INTS9: variants seen among roughly 807,000 people sequenced by gnomAD.
INTS9 encodes the protein integrator complex subunit 9, also known as protein related to CPSF subunits of 74 kDa.
In INTS9, 55 loss-of-function variants were observed where a neutral mutation model predicts 79.7. The ratio of observed to expected loss-of-function variants is 0.69; its 90% confidence interval spans 0.56 to 0.86. The LOEUF is 0.86. Ranked by LOEUF, INTS9 falls within the 40% of genes least tolerant of loss-of-function variation. INTS9 has a pLI of 0.00. For synonymous variants in INTS9, 319 were observed against 325.2 expected (o/e 0.98, Z 0.20); for missense variants, 721 against 831.5 (o/e 0.87, Z 1.64).
chr8:28,799,052 T>G (rs1188308389), intron 8 of INTS9, among the ~76,000 whole-genome samples: 1 of 152,130 alleles, frequency 6.6e-6, no homozygotes, highest in African/African-American at 2.4e-5. Context: ...ATCCCAGCAC[T>G]TTGTGAGGCC....
At chr8:28,782,225 C>T (rs1279640791) in intron 11 of INTS9, among the ~76,000 whole-genome samples, 1 of 152,202 alleles carries the variant, frequency 6.6e-6, no homozygotes, top group African/African-American at 2.4e-5. Flanking sequence ...TTTAGCTGGA[C>T]TCTTCCTTTA....
chr8:28,787,817 T>C lies in INTS9; in HGVS notation c.1098+12A>G, dbSNP rs1483693078. 4.4e-6 allele frequency: 7 copies of C among 1,596,164 alleles called. No homozygotes were observed. The South Asian group carries it at 7.8e-5, about 18-fold the overall frequency. ...GCTTCCTTCCCATGTCCCAGTGATT[T>C]TGTTTTCTTACCTCTGCATGAGGAA... On this transcript the variant is annotated intron_variant, in intron 11 of 16. Transcript: ENST00000521022.
At chr8:28,814,062 T>C (rs1805318214) in intron 6 of INTS9, among the ~76,000 whole-genome samples, 1 of 150,130 alleles carries the variant, frequency 6.7e-6, no homozygotes, top group East Asian at 1.9e-4. Flanking sequence ...CTCAGCCATT[T>C]CTTTTTTTAA....
intron 1 of INTS9, among the ~76,000 whole-genome samples, chr8:28,859,969 A>C (rs1443186029): frequency 6.6e-6 from 1 of 152,238 alleles, no homozygotes; most frequent in Non-Finnish European, 1.5e-5. Flanking sequence ...ACTGTGCTCT[A>C]GGTATGGTTT....
intron 8 of INTS9, chr8:28,799,603 C>A (rs1256976305): frequency 6.6e-6 from 1 of 152,184 alleles, no homozygotes; most frequent in Non-Finnish European, 1.5e-5. Context: ...ACACCTCAAA[C>A]AACTCCATTT....
At chr8:28,782,380 T>C (rs1803325464) in intron 11 of INTS9, among the ~76,000 whole-genome samples, 1 of 152,266 alleles carries the variant, frequency 6.6e-6, no homozygotes, top group African/African-American at 2.4e-5. Context: ...TGTTTGCCAG[T>C]ACAGGACCTC....
chr8:28,777,164 C>T (rs1802936804), intron 13 of INTS9, among the ~76,000 whole-genome samples: 1 of 152,116 alleles, frequency 6.6e-6, no homozygotes. Flanking sequence ...GCCCCTCCAC[C>T]CTCATCTCAC....
chr8:28,821,500 T>C (rs1277985540), intron 6 of INTS9, among the ~76,000 whole-genome samples: 1 of 152,116 alleles, frequency 6.6e-6, no homozygotes, highest in Non-Finnish European at 1.5e-5. Flanking sequence ...AGTTGAGATT[T>C]GGGTGGGGAC....
intron 3 of INTS9, among the ~76,000 whole-genome samples, chr8:28,849,556 G>C (rs1433489810): frequency 6.6e-6 from 1 of 151,834 alleles, no homozygotes; most frequent in Non-Finnish European, 1.5e-5. Flanking sequence ...GTTGAAACGG[G>C]ATCACAGATC....
chr8:28,868,342 T>G lies in INTS9; in HGVS notation c.10-8779A>C, dbSNP rs531524009. Among the ~76,000 whole-genome samples, 17 of 152,342 alleles carry G rather than the reference T, an allele frequency of 1.1e-4. No homozygotes were observed. The South Asian group carries it at 3.5e-3, about 32-fold the overall frequency. On this transcript the variant is annotated intron_variant, in intron 1 of 16. Coordinates refer to ENST00000521022, the MANE Select transcript of INTS9 (RefSeq NM_018250.4). ...CTCTTACTGTAAAGTAGTTCTGCTG[T>G]TGAAACTGCCTTTAATTATCTGTAC... is the stretch of plus-strand genomic sequence containing the variant.
intron 2 of INTS9, among the ~76,000 whole-genome samples, chr8:28,850,482 A>G (rs940257353): frequency 6.6e-6 from 1 of 152,190 alleles, no homozygotes; most frequent in Admixed American, 6.5e-5. Context: ...AAGGTCAAAT[A>G]GTTTAGTGGA....
At chr8:28,796,832 A>C in intron 8 of INTS9, 177 bp from the exon 9 acceptor site, 1 of 550,492 alleles carries the variant, frequency 1.8e-6, no homozygotes, top group South Asian at 2.4e-5. Context: ...TTGGGTGGGG[A>C]CTGATGGGAG....
intron 1 of INTS9, among the ~76,000 whole-genome samples, chr8:28,882,532 T>TAAAAAAAAAAAAAAAAAAAAAAAAAA (rs369293166): frequency 3.2e-5 from 2 of 63,314 alleles, no homozygotes; most frequent in Non-Finnish European, 6.1e-5. Context: ...TATTAACAGC[T>TAAAAAAAAAAAAAAAAAAAAAAAAAA]AAAAAAAAAA....
intron 1 of INTS9, among the ~76,000 whole-genome samples, chr8:28,865,564 A>G (rs1563307400): frequency 1.3e-5 from 2 of 152,208 alleles, no homozygotes; most frequent in African/African-American, 4.8e-5. Flanking sequence ...CACTGGTAAT[A>G]TATAATAACT....
At chr8:28,781,627 C>G (rs76426499) in intron 11 of INTS9, among the ~76,000 whole-genome samples, 592 of 152,240 alleles carry the variant, frequency 3.9e-3, no homozygotes, top group African/African-American at 0.013. Context: ...AATGAGCTGC[C>G]AAGCTACGAA....
chr8:28,845,147 T>C (rs1202479098), intron 4 of INTS9, among the ~76,000 whole-genome samples: 2 of 152,228 alleles, frequency 1.3e-5, no homozygotes, highest in Non-Finnish European at 2.9e-5. Context: ...CTTGGGGTTC[T>C]ACAGACCATA....
chr8:28,822,825 C>A (rs1805916957), intron 6 of INTS9, among the ~76,000 whole-genome samples: 1 of 152,018 alleles, frequency 6.6e-6, no homozygotes. Flanking sequence ...GTTATTTCTA[C>A]CAAATAGTTT....
chr8:28,771,198 ATTT>A, intron 14 of INTS9, 118 bp from the exon 15 acceptor site: 3 of 672,750 alleles, frequency 4.5e-6, no homozygotes, highest in Non-Finnish European at 7.5e-6. Context: ...AAGGTAAACA[ATTT>A]TTTTTTTTTT....
In INTS9 at chr8:28,842,098, A is replaced by T. The variant is rs147544259; in HGVS notation, c.262-4322T>A. On this transcript the variant is annotated intron_variant, in intron 4 of 16. Coordinates refer to ENST00000521022, the MANE Select transcript of INTS9 (RefSeq NM_018250.4). ...GTGAGACCCCATCTCAAAAAAAATC[A>T]TAAGGAAAAGTAAATGTACTTTAGT... is the stretch of plus-strand genomic sequence containing the variant. 2.8e-4 allele frequency among the ~76,000 whole-genome samples: 43 copies of T among 152,324 alleles called. 1 individual carries two copies. The highest frequency in any genetic ancestry group is 9.9e-4 in the African/African-American group (41 of 41,572).
Sources: gnomAD v4.1 joint callset for allele counts (sites outside exome capture counted in the v4.1 genomes callset) on GRCh38, gnomAD v4.1.1 for gene constraint, MANE v1.5 for transcripts, NCBI Gene and HGNC (gene_info 2026-07-23, HGNC 2026-07-21) for gene names.